The following HMGN3 variants were observed in gnomAD, a reference collection of about 807,000 sequenced individuals.
The protein encoded by HMGN3 is high mobility group nucleosomal binding domain 3.
In HMGN3, 6 loss-of-function variants were observed where a neutral mutation model predicts 18.8. That is an observed-to-expected ratio of 0.32 (90% CI 0.18 to 0.63). The LOEUF (loss-of-function observed/expected upper bound fraction) is 0.63. Among genes scored for constraint, HMGN3 ranks in the 30% least tolerant of loss-of-function variants. The probability of loss-of-function intolerance (pLI) is 0.79; values close to 1 mark genes in which losing one functional copy is unlikely to be tolerated. For missense variants in HMGN3, 107 were observed against 114.2 expected, an observed-to-expected ratio of 0.94 and a Z score of 0.29; for synonymous variants, 40 against 36.5, an observed-to-expected ratio of 1.10 and a Z score of -0.35.
At chr6:79,210,810 G>A (rs778634055) in intron 2 of HMGN3, among the ~76,000 whole-genome samples, 1 of 152,038 alleles carries the variant, frequency 6.6e-6, no homozygotes, top group African/African-American at 2.4e-5. Flanking sequence ...CTGCGACAAT[G>A]TTGTTCCTCT....
chr6:79,203,675 AAC>A (rs779317816), intron 3 of HMGN3, 45 bp from the exon 4 acceptor site: 17 of 1,346,730 alleles, frequency 1.3e-5, no homozygotes, highest in Non-Finnish European at 1.7e-5. Context: ...AAAAAAAAAA[AAC>A]TATCAGCACC....
chr6:79,203,452 GC>G (rs1425083841), intron 4 of HMGN3, 127 bp downstream of exon 4: 4 of 827,144 alleles, frequency 4.8e-6, no homozygotes, highest in Non-Finnish European at 8.0e-6. Context: ...CTTTAAGCAA[GC>G]CCGTAACAGT....
chr6:79,233,261 G>T (rs1293359242), intron 1 of HMGN3, among the ~76,000 whole-genome samples: 4 of 152,188 alleles, frequency 2.6e-5, no homozygotes, highest in African/African-American at 7.2e-5. Context: ...CAGCGTGAGG[G>T]ACACAGTATG....
intron 3 of HMGN3, among the ~76,000 whole-genome samples, chr6:79,204,393 A>T (rs547650833): frequency 6.6e-6 from 1 of 152,292 alleles, no homozygotes; most frequent in South Asian, 2.1e-4. Flanking sequence ...CAGCACCTGC[A>T]CACCGTGTGA....
chr6:79,222,763 C>T (rs1023765150), intron 1 of HMGN3, among the ~76,000 whole-genome samples: 3 of 152,302 alleles, frequency 2.0e-5, no homozygotes, highest in Admixed American at 2.0e-4. Context: ...TCCTCCCCTG[C>T]TTGGCTTATC....
chr6:79,202,126 GA>G, intron 5 of HMGN3: 1 of 1,551,370 alleles, frequency 6.4e-7, no homozygotes, highest in Non-Finnish European at 8.7e-7. Flanking sequence ...TGGAGGTTGA[GA>G]CATTAACAGT....
At chr6:79,203,625 A>C in exon 4 of HMGN3, 1 of 1,610,806 alleles carries the variant, frequency 6.2e-7, no homozygotes, top group African/African-American at 1.3e-5. Flanking sequence ...TTGGTGGAGC[A>C]GGTTTCTGCA....
At chr6:79,206,967 G>C (rs1279904836) in intron 3 of HMGN3, among the ~76,000 whole-genome samples, 1 of 152,186 alleles carries the variant, frequency 6.6e-6, no homozygotes, top group African/African-American at 2.4e-5. Context: ...TTTCGGACTT[G>C]CATGAGGCCT....
intron 1 of HMGN3, among the ~76,000 whole-genome samples, chr6:79,225,279 T>A (rs1234068836): frequency 6.6e-6 from 1 of 152,196 alleles, no homozygotes; most frequent in Non-Finnish European, 1.5e-5. Flanking sequence ...CCTCTCAGGG[T>A]AGATTTTGTA....
intron 1 of HMGN3, among the ~76,000 whole-genome samples, chr6:79,232,150 G>C (rs72893783): frequency 0.067 from 10,134 of 152,290 alleles, 363 homozygotes; most frequent in South Asian, 0.1. Context: ...GAAAAATATT[G>C]TGTAGTATGT....
At chr6:79,234,440 A>T in intron 1 of HMGN3, 106 bp downstream of exon 1, 1 of 1,055,686 alleles carries the variant, frequency 9.5e-7, no homozygotes, top group Non-Finnish European at 1.4e-6. Context: ...AAGATTCCCA[A>T]TCCCCGGGTT....
intron 2 of HMGN3, among the ~76,000 whole-genome samples, chr6:79,214,449 C>T (rs1360750773): frequency 6.6e-6 from 1 of 152,190 alleles, no homozygotes; most frequent in Non-Finnish European, 1.5e-5. Flanking sequence ...GATCCGCCCG[C>T]CTCGGCCACC....
At chr6:79,223,183 A>G (rs1194421488) in intron 1 of HMGN3, among the ~76,000 whole-genome samples, 2 of 152,168 alleles carry the variant, frequency 1.3e-5, no homozygotes, top group Admixed American at 1.3e-4. Flanking sequence ...GTTCGAGACC[A>G]GCCTGGCCAA....
At chr6:79,234,670 G>A in exon 1 of HMGN3, 1 of 1,086,286 alleles carries the variant, frequency 9.2e-7, no homozygotes, top group Non-Finnish European at 1.4e-6. Context: ...GCACGACGTA[G>A]CCCGGCCTCT....
chr6:79,203,681 C>T (rs779715114), intron 3 of HMGN3, 51 bp from the exon 4 acceptor site: 4 of 1,312,306 alleles, frequency 3.0e-6, no homozygotes, highest in Non-Finnish European at 4.3e-6. Context: ...AAAAAACTAT[C>T]AGCACCAAAA....
rs1562010101 is a variant in HMGN3 at position 79,234,526 on chromosome 6, CT to C, written c.15+19del. The stretch of plus-strand genomic sequence containing the variant: ...AGCAGAATTTGAAGGCTTTTGAAAT[CT>C]TTTTTTGGTAAGACTTACCTTTCTC... On this transcript the variant is annotated intron_variant, in intron 1 of 5. Transcript: ENST00000344726. The C allele has an allele frequency of 5.0e-6, 8 of 1,609,478 alleles. No individual in the cohort carries two copies. The highest frequency in any genetic ancestry group is 4.5e-5 in the East Asian group (2 of 44,812).
At chr6:79,220,312 G>T (rs1470070524) in intron 1 of HMGN3, among the ~76,000 whole-genome samples, 3 of 152,086 alleles carry the variant, frequency 2.0e-5, no homozygotes, top group African/African-American at 7.2e-5. Context: ...GGAAAACAAA[G>T]AATAGAAAAC....
intron 5 of HMGN3, 156 bp from the exon 7 acceptor site, chr6:79,201,882 A>C: frequency 1.0e-6 from 1 of 985,190 alleles, no homozygotes; most frequent in Middle Eastern, 5.2e-4. Flanking sequence ...AGTGAAGAAG[A>C]CAAGGCAGGA....
chr6:79,217,277 G>T (rs1048205433), intron 1 of HMGN3, among the ~76,000 whole-genome samples: 4 of 152,122 alleles, frequency 2.6e-5, no homozygotes, highest in African/African-American at 7.2e-5. Context: ...AATCTTTACC[G>T]GGGATCAGTG....
Sources: allele counts gnomAD v4.1 joint callset (sites outside exome capture counted in the v4.1 genomes callset), GRCh38; gene constraint gnomAD v4.1.1; transcripts MANE v1.5; gene names NCBI Gene and HGNC (gene_info 2026-07-23, HGNC 2026-07-21).